The following STXBP5L variants were observed in gnomAD, a reference collection of about 807,000 sequenced individuals.
STXBP5L encodes syntaxin binding protein 5L.
In STXBP5L, 65 loss-of-function variants were observed where a neutral mutation model predicts 144.5. The ratio of observed to expected loss-of-function variants is 0.45; its 90% CI spans 0.37 to 0.55. STXBP5L has a LOEUF of 0.55. Among genes scored for constraint, STXBP5L ranks in the 20% least tolerant of loss-of-function variants. The probability of loss-of-function intolerance (pLI) is 0.00; values close to 1 mark genes in which losing one functional copy is unlikely to be tolerated. For missense variants in STXBP5L, 1,298 were observed against 1,405.5 expected, an observed-to-expected ratio of 0.92 and a Z score of 1.22; for synonymous variants, 505 against 469.6, an observed-to-expected ratio of 1.08 and a Z score of -0.97.
At chr3:120,995,923 C>T (rs991657248) in intron 3 of STXBP5L, among the ~76,000 whole-genome samples, 1 of 152,054 alleles carries the variant, frequency 6.6e-6, no homozygotes, top group Non-Finnish European at 1.5e-5. Flanking sequence ...TTCCTTTAGC[C>T]ATTTTCAAGG....
At chr3:121,061,881 C>A (rs1418668198) in intron 5 of STXBP5L, among the ~76,000 whole-genome samples, 1 of 151,906 alleles carries the variant, frequency 6.6e-6, no homozygotes, top group Non-Finnish European at 1.5e-5. Flanking sequence ...TGAGATGGGT[C>A]TCCTGAATAC....
intron 2 of STXBP5L, among the ~76,000 whole-genome samples, chr3:120,915,000 C>G (rs73185417): frequency 6.6e-6 from 1 of 151,942 alleles, no homozygotes; most frequent in Non-Finnish European, 1.5e-5. Flanking sequence ...TGTAGAAGTA[C>G]GTTTGTAAAA....
chr3:121,213,466 C>T (rs2048658845), intron 10 of STXBP5L, among the ~76,000 whole-genome samples: 1 of 152,118 alleles, frequency 6.6e-6, no homozygotes, highest in South Asian at 2.1e-4. Context: ...TTGAGATAAT[C>T]ATGAGGTTTT....
intron 22 of STXBP5L, among the ~76,000 whole-genome samples, chr3:121,383,592 T>C (rs2046365026): frequency 6.6e-6 from 1 of 152,068 alleles, no homozygotes; most frequent in Admixed American, 6.6e-5. Flanking sequence ...GAGAAAGCCA[T>C]GAGTCTGGGT....
At chr3:121,027,528 A>G (rs1379515129) in intron 3 of STXBP5L, among the ~76,000 whole-genome samples, 1 of 152,052 alleles carries the variant, frequency 6.6e-6, no homozygotes, top group East Asian at 1.9e-4. Flanking sequence ...TTCAGCTTCT[A>G]AAGGCTGCCT....
At chr3:121,138,487 A>C (rs1224191889) in intron 7 of STXBP5L, among the ~76,000 whole-genome samples, 1 of 152,180 alleles carries the variant, frequency 6.6e-6, no homozygotes, top group Admixed American at 6.5e-5. Context: ...CGAAGGCATC[A>C]CATTACCTGA....
chr3:121,331,918 C>G (rs926659815), intron 20 of STXBP5L, among the ~76,000 whole-genome samples: 2 of 152,158 alleles, frequency 1.3e-5, no homozygotes, highest in Non-Finnish European at 2.9e-5. Flanking sequence ...ACACACCAAG[C>G]ACATTGCCAC....
chr3:121,117,814 A>T (rs28485580), intron 6 of STXBP5L, among the ~76,000 whole-genome samples: 15,026 of 151,704 alleles, frequency 0.099, 1,163 homozygotes, highest in Admixed American at 0.2. Flanking sequence ...TCCAAAATGT[A>T]TATATTGGTT....
rs2046677469 is a variant in STXBP5L at position 121,394,555 on chromosome 3, C to T, written c.2588-12688C>T. Among the ~76,000 whole-genome samples the T allele has an allele frequency of 2.8e-5, 4 of 142,160 alleles. No homozygotes were observed. The South Asian group carries it at 6.8e-4, about 24-fold the overall frequency. The allele number at this position is 142,160 out of a possible 152,430, so 93.3% of individuals were successfully genotyped here. On this transcript the variant is annotated intron_variant, in intron 22 of 26. Transcript: ENST00000471454. ...TTGGCTATGAGTTTGTCATATATGA[C>T]TTTTATTATTTTGAAGCATATTCTT...
chr3:121,180,290 A>G (rs2047090967), intron 9 of STXBP5L, among the ~76,000 whole-genome samples: 3 of 152,190 alleles, frequency 2.0e-5, no homozygotes, highest in African/African-American at 7.2e-5. Flanking sequence ...TCTTTAGCCT[A>G]CTTAAACAAA....
At chr3:121,101,972 C>T (rs1172079513) in intron 5 of STXBP5L, among the ~76,000 whole-genome samples, 2 of 151,706 alleles carry the variant, frequency 1.3e-5, no homozygotes, top group East Asian at 3.9e-4. Context: ...ACAATAGTCA[C>T]AAGCAAAAAA....
chr3:121,206,078 T>C (rs1011237011), intron 10 of STXBP5L, 77 bp downstream of exon 10: 1 of 827,628 alleles, frequency 1.2e-6, no homozygotes, highest in Non-Finnish European at 1.8e-6. Context: ...TGTTAAGATA[T>C]TGTTTAAAGT....
intron 19 of STXBP5L, among the ~76,000 whole-genome samples, chr3:121,285,603 G>T (rs1224776688): frequency 6.6e-6 from 1 of 151,998 alleles, no homozygotes; most frequent in African/African-American, 2.4e-5. Flanking sequence ...ATAAAATTTT[G>T]TAGTTGAAAG....
At chr3:120,963,292 GC>G (rs1939099901) in intron 3 of STXBP5L, among the ~76,000 whole-genome samples, 1 of 152,090 alleles carries the variant, frequency 6.6e-6, no homozygotes, top group African/African-American at 2.4e-5. Context: ...GATTGCCCTG[GC>G]CAGAACTTCC....
At chr3:121,310,047 A>G (rs2043472121) in intron 19 of STXBP5L, among the ~76,000 whole-genome samples, 1 of 152,218 alleles carries the variant, frequency 6.6e-6, no homozygotes, top group African/African-American at 2.4e-5. Flanking sequence ...TTTGTTTTTG[A>G]CAAAGGCACC....
chr3:121,289,209 TATATC>T (rs2051334029), intron 19 of STXBP5L, among the ~76,000 whole-genome samples: 1 of 152,232 alleles, frequency 6.6e-6, no homozygotes, highest in South Asian at 2.1e-4. Context: ...TAGCTATTCT[TATATC>T]AGACAAAACA....
intron 9 of STXBP5L, among the ~76,000 whole-genome samples, chr3:121,182,301 A>T (rs1411784642): frequency 6.6e-6 from 1 of 152,218 alleles, no homozygotes; most frequent in Admixed American, 6.5e-5. Flanking sequence ...ATTTAAGAAA[A>T]TCTAAATCAT....
intron 5 of STXBP5L, among the ~76,000 whole-genome samples, chr3:121,077,640 C>G (rs2042075888): frequency 6.6e-6 from 1 of 152,144 alleles, no homozygotes. Flanking sequence ...CTGGCCCCAC[C>G]CACATCCTGC....
intron 9 of STXBP5L, among the ~76,000 whole-genome samples, chr3:121,194,586 T>C (rs924949479): frequency 6.6e-6 from 1 of 152,086 alleles, no homozygotes; most frequent in African/African-American, 2.4e-5. Flanking sequence ...CCTCATAGAA[T>C]GAGTTGGGAA....
Sources: allele counts gnomAD v4.1 joint callset (sites outside exome capture counted in the v4.1 genomes callset), GRCh38; gene constraint gnomAD v4.1.1; transcripts MANE v1.5; gene names NCBI Gene and HGNC (gene_info 2026-07-23, HGNC 2026-07-21).